Variants in NIBAN1 observed in about 807,000 individuals in gnomAD.
NIBAN1 encodes the protein protein Niban 1.
NIBAN1 carries 81 observed loss-of-function variants against 75.1 expected under a neutral mutation model. The ratio of observed to expected loss-of-function variants is 1.08; its 90% CI spans 0.90 to 1.30. The LOEUF is 1.30. Among genes scored for constraint, NIBAN1 ranks in the 50% most tolerant of loss-of-function variants. NIBAN1 has a pLI of 0.00. For missense variants in NIBAN1, 1,133 were observed against 1,128.1 expected, an observed-to-expected ratio of 1.00 and a Z score of -0.06; for synonymous variants, 436 against 424.8, an observed-to-expected ratio of 1.03 and a Z score of -0.32.
chr1:184,838,141 C>G (rs1426582644), intron 5 of NIBAN1, among the ~76,000 whole-genome samples: 5 of 152,052 alleles, frequency 3.3e-5, no homozygotes, highest in Non-Finnish European at 7.4e-5. Flanking sequence ...ATCCTTATAC[C>G]TTTTTCATAT....
intron 1 of NIBAN1, among the ~76,000 whole-genome samples, chr1:184,963,605 G>A (rs2102083906): frequency 6.6e-6 from 1 of 152,104 alleles, no homozygotes; most frequent in East Asian, 1.9e-4. Context: ...ATAGCTTTCT[G>A]GTGCTCTTAA....
intron 1 of NIBAN1, among the ~76,000 whole-genome samples, chr1:184,902,314 T>C (rs747175961): frequency 6.6e-6 from 1 of 152,190 alleles, no homozygotes; most frequent in Non-Finnish European, 1.5e-5. Flanking sequence ...CCATCTCTAC[T>C]ACTTGCCAGC....
rs1425483565 is a variant in NIBAN1 at position 184,791,149 on chromosome 1, A to AT, written c.*3827dup. On this transcript the variant is annotated 3_prime_UTR_variant, in exon 14 of 14. Coordinates refer to ENST00000367511, the MANE Select transcript of NIBAN1 (RefSeq NM_052966.4). The stretch of plus-strand genomic sequence containing the variant: ...CCGGGAAAGTCAATCCACAGTGTCG[A>AT]TTTTTTTTCTTGAAGTTGCAGACTT... 27 of 427,694 alleles carry AT rather than the reference A, an allele frequency of 6.3e-5. No homozygotes were observed. The highest frequency in any genetic ancestry group is 1.5e-4 in the South Asian group (9 of 58,908). The allele number at this position is 427,694 out of a possible 1,614,324, so 26.5% of individuals were successfully genotyped here.
At chr1:184,808,423 T>C (rs926187681) in intron 9 of NIBAN1, among the ~76,000 whole-genome samples, 188 bp from the exon 10 acceptor site, 4 of 152,184 alleles carry the variant, frequency 2.6e-5, no homozygotes, top group Admixed American at 6.5e-5. Context: ...CTAGGGTAGC[T>C]GTAATGCTAG....
intron 5 of NIBAN1, among the ~76,000 whole-genome samples, 195 bp downstream of exon 5, chr1:184,884,438 G>T (rs897058643): frequency 9.9e-5 from 15 of 152,058 alleles, no homozygotes; most frequent in African/African-American, 3.1e-4. Flanking sequence ...TATTGGTCAG[G>T]CTGGTCTCGA....
chr1:184,795,808 A>G lies in NIBAN1; in HGVS notation c.1956T>C (p.Thr652=). 6.2e-7 allele frequency: 1 copy of G among 1,610,442 alleles called. No homozygotes were observed. The highest frequency in any genetic ancestry group is 8.5e-7 in the Non-Finnish European group (1 of 1,177,848). Residue 652 remains threonine (T), a synonymous_variant, in exon 14 of 14, where the codon ACT becomes ACC. Transcript: ENST00000367511. Reference sequence around the variant, plus strand: ...CCACTCTTGAAATAATCACCTGCTCAGTCCCATCTGGGGGTGGGCTTGGCC... The same window carrying G: ...CCACTCTTGAAATAATCACCTGCTCGGTCCCATCTGGGGGTGGGCTTGGCC... ...LPGPSPPPDG[T]EQVIISRVDD...
Position 184,872,454 on chromosome 1 carries a change from C to T in NIBAN1, c.601+12179G>A, listed in dbSNP as rs557409214. On this transcript the variant is annotated intron_variant, in intron 5 of 13. Transcript: ENST00000367511. ...GGCATGAAGGCTCACGCCTGTAATGCCAGCATTTTGGGAGGCTGAGGCAGG... is the reference window on the plus strand; with the variant it reads ...GGCATGAAGGCTCACGCCTGTAATGTCAGCATTTTGGGAGGCTGAGGCAGG... Among the ~76,000 whole-genome samples the T allele has an allele frequency of 1.1e-4, 17 of 152,202 alleles. 1 individual carries two copies. Among genetic ancestry groups the T allele is most frequent in the African/African-American group, 4.1e-4 (17 of 41,526 alleles).
chr1:184,856,981 G>T (rs1273323263), intron 5 of NIBAN1, among the ~76,000 whole-genome samples: 2 of 152,150 alleles, frequency 1.3e-5, no homozygotes, highest in African/African-American at 4.8e-5. Context: ...CAAGGCAAAG[G>T]AAGAGCGTGA....
chr1:184,956,473 G>A (rs1451443817), intron 1 of NIBAN1, among the ~76,000 whole-genome samples: 2 of 152,152 alleles, frequency 1.3e-5, no homozygotes, highest in Non-Finnish European at 2.9e-5. Context: ...ACAAAACAGT[G>A]TAATTTAGCA....
Position 184,794,023 on chromosome 1 carries a change from A to G in NIBAN1, c.*954T>C, listed in dbSNP as rs569568665. ...GAAAGAGAAAAAAAAAAGCTGTCATAGTTTAAAAATTGGCATATGTTCTCT... is the reference window on the plus strand; with the variant it reads ...GAAAGAGAAAAAAAAAAGCTGTCATGGTTTAAAAATTGGCATATGTTCTCT... On this transcript the variant is annotated 3_prime_UTR_variant, in exon 14 of 14. Coordinates refer to ENST00000367511, the MANE Select transcript of NIBAN1 (RefSeq NM_052966.4). 1 of 152,142 alleles carries G rather than the reference A, an allele frequency of 6.6e-6. No individual in the cohort carries two copies. Among genetic ancestry groups the G allele is most frequent in the South Asian group, 2.1e-4 (1 of 4,832 alleles). 9.4% of individuals were successfully genotyped at this position (152,142 alleles called of 1,614,324 possible).
At chr1:184,880,131 C>T (rs1357210878) in intron 5 of NIBAN1, among the ~76,000 whole-genome samples, 1 of 152,226 alleles carries the variant, frequency 6.6e-6, no homozygotes, top group African/African-American at 2.4e-5. Flanking sequence ...AGCATTACAC[C>T]TCCTTTCCAG....
chr1:184,836,561 A>G (rs75546739), intron 5 of NIBAN1, among the ~76,000 whole-genome samples: 2,712 of 152,306 alleles, frequency 0.018, 68 homozygotes, highest in African/African-American at 0.061. Context: ...TAACTGAAGA[A>G]ATGGGATTTG....
chr1:184,802,705 T>C (rs1382038385), intron 12 of NIBAN1, among the ~76,000 whole-genome samples: 1 of 152,210 alleles, frequency 6.6e-6, no homozygotes, highest in Non-Finnish European at 1.5e-5. Flanking sequence ...CAAAAAGCCC[T>C]TTTTTAAATT....
chr1:184,898,707 G>A lies in NIBAN1; in HGVS notation c.186+472C>T, dbSNP rs182989096. Among the ~76,000 whole-genome samples, 71 of 152,240 alleles carry A rather than the reference G, an allele frequency of 4.7e-4. No individual in the cohort carries two copies. In the Middle Eastern group the frequency reaches 0.01, roughly 22 times the overall value. ...AATTTGTTTATTACCCGTTTCCTGT[G>A]TGTGAATATAAACTCCAGGAAGGCA... On this transcript the variant is annotated intron_variant, in intron 2 of 13. Transcript: ENST00000367511.
intron 1 of NIBAN1, among the ~76,000 whole-genome samples, chr1:184,970,528 T>C (rs1032125121): frequency 6.6e-6 from 1 of 152,224 alleles, no homozygotes; most frequent in Admixed American, 6.5e-5. Flanking sequence ...AACCCTTGTA[T>C]AAATAAGAGG....
chr1:184,912,765 T>C (rs1156640003), intron 1 of NIBAN1, among the ~76,000 whole-genome samples: 1 of 152,202 alleles, frequency 6.6e-6, no homozygotes, highest in Non-Finnish European at 1.5e-5. Flanking sequence ...CATTTATGAT[T>C]TTTATGAGAC....
In NIBAN1 at chr1:184,818,629, G is replaced by A. The variant is rs746153427; in HGVS notation, c.1173+9C>T. On this transcript the variant is annotated intron_variant, in intron 9 of 13. Coordinates refer to ENST00000367511, the MANE Select transcript of NIBAN1 (RefSeq NM_052966.4). Reference sequence around the variant, plus strand: ...CATTCACACCCAGCTCCTCAGCTTTGTATCCTACCTCCTTTAGCTGGACAC... The same window carrying A: ...CATTCACACCCAGCTCCTCAGCTTTATATCCTACCTCCTTTAGCTGGACAC... 7.0e-6 allele frequency: 11 copies of A among 1,579,260 alleles called. No homozygotes were observed. In the Admixed American group the frequency reaches 1.9e-4, roughly 27 times the overall value.
In NIBAN1 at chr1:184,827,694, A is replaced by C. The variant is rs140559135; in HGVS notation, c.718-3952T>G. ...GTCACTAGGTTGATCAAAACCAACA[A>C]ACCCGGGATCGCCCCTTGAAGGCCA... On this transcript the variant is annotated intron_variant, in intron 6 of 13. Transcript: ENST00000367511. 1.9e-3 allele frequency among the ~76,000 whole-genome samples: 296 copies of C among 151,956 alleles called. 3 individuals are homozygous for C. Among genetic ancestry groups the C allele is most frequent in the African/African-American group, 7.0e-3 (288 of 41,398 alleles).
In NIBAN1 at chr1:184,794,446, G is replaced by T. The variant is rs1189478419; in HGVS notation, c.*531C>A. Reference sequence around the variant, plus strand: ...TCTATTGGGCATGATTGCCTCTGTGGGGGCTACAGCCAGCACGGGTGACTG... The same window carrying T: ...TCTATTGGGCATGATTGCCTCTGTGTGGGCTACAGCCAGCACGGGTGACTG... On this transcript the variant is annotated 3_prime_UTR_variant, in exon 14 of 14. Transcript: ENST00000367511. 1.2e-5 allele frequency: 2 copies of T among 171,298 alleles called. No homozygotes were observed. The highest frequency in any genetic ancestry group is 1.2e-4 in the Admixed American group (2 of 17,166). 10.6% of individuals were successfully genotyped at this position (171,298 alleles called of 1,614,324 possible).
Sources: allele counts gnomAD v4.1 joint callset (sites outside exome capture counted in the v4.1 genomes callset), GRCh38; gene constraint gnomAD v4.1.1; transcripts MANE v1.5; gene names NCBI Gene and HGNC (gene_info 2026-07-23, HGNC 2026-07-21).